Variants in RNF150 observed in about 807,000 individuals in gnomAD.
RNF150 encodes ring finger protein 150.
RNF150 carries 24 observed loss-of-function variants against 39.3 expected under a neutral mutation model. That is an observed-to-expected ratio of 0.61 (90% confidence interval 0.44 to 0.86). The LOEUF is 0.86. RNF150 is among the 40% of genes least tolerant of loss of function. The pLI, the probability that RNF150 is intolerant of heterozygous loss-of-function variation, is 0.00. For missense variants in RNF150, 502 were observed against 587.8 expected (o/e 0.85, Z 1.51); for synonymous variants, 255 against 227.3 (o/e 1.12, Z -1.10).
chr4:140,875,969 A>T (rs2111193181), intron 6 of RNF150, among the ~76,000 whole-genome samples: 1 of 152,326 alleles, frequency 6.6e-6, no homozygotes, highest in East Asian at 1.9e-4. Context: ...AGGAATTAAC[A>T]AACATTGCCC....
chr4:141,075,043 T>C (rs1039647991), intron 1 of RNF150, among the ~76,000 whole-genome samples: 1 of 152,234 alleles, frequency 6.6e-6, no homozygotes, highest in Non-Finnish European at 1.5e-5. Flanking sequence ...GTTAGTGTGA[T>C]TCAATCTCCT....
upstream of RNF150, among the ~76,000 whole-genome samples, chr4:141,137,237 T>C (rs1268688791): frequency 1.3e-5 from 2 of 152,162 alleles, no homozygotes; most frequent in Non-Finnish European, 2.9e-5. Flanking sequence ...GAGAAAACTT[T>C]GGAGATTTTT....
At chr4:140,966,173 G>GA (rs973079624) in intron 2 of RNF150, among the ~76,000 whole-genome samples, 2 of 151,842 alleles carry the variant, frequency 1.3e-5, no homozygotes, top group African/African-American at 4.8e-5. Flanking sequence ...CACCTCTACT[G>GA]AAAAAACAAA....
intron 2 of RNF150, among the ~76,000 whole-genome samples, chr4:140,952,808 G>A (rs1448744987): frequency 9.2e-5 from 14 of 152,322 alleles, no homozygotes; most frequent in Admixed American, 5.2e-4. Context: ...TAGATTGAGG[G>A]AAAGAGAGTA....
intron 1 of RNF150, among the ~76,000 whole-genome samples, chr4:141,094,747 A>G (rs1738711804): frequency 6.6e-6 from 1 of 152,280 alleles, no homozygotes; most frequent in Admixed American, 6.5e-5. Flanking sequence ...CTCTCAGCAG[A>G]GAAATTTCAA....
intron 1 of RNF150, among the ~76,000 whole-genome samples, chr4:141,068,127 G>A (rs925735521): frequency 6.6e-6 from 1 of 151,990 alleles, no homozygotes; most frequent in Non-Finnish European, 1.5e-5. Flanking sequence ...GGTATTTTTA[G>A]TAGAGATGGG....
chr4:140,996,417 T>A (rs1410835771), intron 1 of RNF150, among the ~76,000 whole-genome samples: 1 of 152,192 alleles, frequency 6.6e-6, no homozygotes, highest in Non-Finnish European at 1.5e-5. Flanking sequence ...CACTACTAAA[T>A]GTTAAGAGGT....
At chr4:141,099,433 G>C (rs1323263265) in intron 1 of RNF150, among the ~76,000 whole-genome samples, 1 of 152,140 alleles carries the variant, frequency 6.6e-6, no homozygotes, top group Non-Finnish European at 1.5e-5. Context: ...AAAGAGAAGA[G>C]ACAGGGAGGA....
At chr4:141,071,132 A>G (rs1243393204) in intron 1 of RNF150, among the ~76,000 whole-genome samples, 1 of 140,376 alleles carries the variant, frequency 7.1e-6, no homozygotes, top group African/African-American at 2.7e-5. Flanking sequence ...TATTGCAAGA[A>G]CAAAAAACCA....
intron 1 of RNF150, among the ~76,000 whole-genome samples, chr4:141,117,541 T>C (rs1009694597): frequency 6.6e-6 from 1 of 152,204 alleles, no homozygotes; most frequent in Non-Finnish European, 1.5e-5. Context: ...CAAATGTATA[T>C]GGTATGGTCT....
At chr4:140,885,219 G>C (rs866206163) in intron 6 of RNF150, among the ~76,000 whole-genome samples, 1 of 51,270 alleles carries the variant, frequency 2.0e-5, no homozygotes, top group African/African-American at 8.8e-5. Flanking sequence ...TTTTTTTTTT[G>C]AGACAGAGGC....
At chr4:141,047,883 A>G (rs1338212331) in intron 1 of RNF150, among the ~76,000 whole-genome samples, 3 of 152,200 alleles carry the variant, frequency 2.0e-5, no homozygotes, top group Non-Finnish European at 4.4e-5. Flanking sequence ...AAAGATTGCC[A>G]AAGTTATCAC....
chr4:141,058,287 G>C (rs1737070092), intron 1 of RNF150, among the ~76,000 whole-genome samples: 1 of 151,996 alleles, frequency 6.6e-6, no homozygotes, highest in South Asian at 2.1e-4. Context: ...GAAAGAAAGG[G>C]ATGAAGAGGA....
At chr4:140,928,750 G>C (rs904967158) in intron 4 of RNF150, among the ~76,000 whole-genome samples, 2 of 152,096 alleles carry the variant, frequency 1.3e-5, no homozygotes, top group Non-Finnish European at 2.9e-5. Context: ...GTTTCACTGT[G>C]TTAGCCAGGA....
At chr4:140,976,914 C>T (rs1384518473) in intron 1 of RNF150, among the ~76,000 whole-genome samples, 1 of 151,966 alleles carries the variant, frequency 6.6e-6, no homozygotes, top group Non-Finnish European at 1.5e-5. Flanking sequence ...CTGCTATCAC[C>T]CTGCTTTCCT....
intron 6 of RNF150, among the ~76,000 whole-genome samples, chr4:140,896,703 AAAAAACAAAC>A (rs1729963358): frequency 6.0e-5 from 5 of 83,004 alleles, no homozygotes; most frequent in East Asian, 2.2e-3. Context: ...AAAAAAAACA[AAAAAACAAAC>A]AAACAAACAA....
intron 1 of RNF150, among the ~76,000 whole-genome samples, chr4:141,198,685 G>A (rs2117576): frequency 0.28 from 43,021 of 152,106 alleles, 6,425 homozygotes; most frequent in African/African-American, 0.37. Context: ...CAGAAGATGA[G>A]CTCACTGATT....
chr4:141,171,965 A>C (rs918925284), intron 1 of RNF150, among the ~76,000 whole-genome samples: 6 of 152,132 alleles, frequency 3.9e-5, no homozygotes, highest in African/African-American at 7.2e-5. Context: ...AAATACTTAT[A>C]CTTTTATATG....
chr4:141,184,775 G>A (rs1422503051), intron 1 of RNF150, among the ~76,000 whole-genome samples: 1 of 151,954 alleles, frequency 6.6e-6, no homozygotes, highest in Admixed American at 6.6e-5. Context: ...TTTCCCCATT[G>A]CTTCTTTTTG....
Sources: gnomAD v4.1 joint callset for allele counts (sites outside exome capture counted in the v4.1 genomes callset) on GRCh38, gnomAD v4.1.1 for gene constraint, MANE v1.5 for transcripts, NCBI Gene and HGNC (gene_info 2026-07-23, HGNC 2026-07-21) for gene names.